The following L3MBTL4 variants were observed in gnomAD, a reference collection of about 807,000 sequenced individuals.
L3MBTL4 encodes the protein L3MBTL histone methyl-lysine binding protein 4.
A neutral mutation model predicts 84.5 loss-of-function variants in L3MBTL4; 70 were observed. That is an observed-to-expected ratio of 0.83 (90% CI 0.68 to 1.01). The LOEUF is 1.01. L3MBTL4 is among the 50% of genes least tolerant of loss of function. The pLI is 0.00. For missense variants in L3MBTL4, 715 were observed against 754.8 expected, an observed-to-expected ratio of 0.95 and a Z score of 0.62; for synonymous variants, 274 against 259.8, an observed-to-expected ratio of 1.05 and a Z score of -0.52.
At chr18:6,070,838 A>T (rs1038315299) in intron 16 of L3MBTL4, among the ~76,000 whole-genome samples, 1 of 152,006 alleles carries the variant, frequency 6.6e-6, no homozygotes, top group Admixed American at 6.6e-5. Context: ...ACCCTGTCTA[A>T]AAAAATAATA....
chr18:6,070,447 C>T (rs1237304517), intron 16 of L3MBTL4, among the ~76,000 whole-genome samples: 1 of 151,144 alleles, frequency 6.6e-6, no homozygotes, highest in Non-Finnish European at 1.5e-5. Context: ...ATTCTATAAC[C>T]TGTAAAAATA....
At chr18:6,234,873 T>C (rs2047150908) in intron 10 of L3MBTL4, among the ~76,000 whole-genome samples, 1 of 152,158 alleles carries the variant, frequency 6.6e-6, no homozygotes, top group Admixed American at 6.5e-5. Context: ...CACATGTATG[T>C]TTATTACGGC....
intron 15 of L3MBTL4, among the ~76,000 whole-genome samples, chr18:6,091,601 T>C (rs1403886043): frequency 1.3e-5 from 2 of 152,210 alleles, no homozygotes; most frequent in Non-Finnish European, 2.9e-5. Context: ...AGCTCCTTCA[T>C]AAATAATAAA....
intron 16 of L3MBTL4, among the ~76,000 whole-genome samples, chr18:6,009,772 T>G (rs1373620100): frequency 6.6e-6 from 1 of 152,232 alleles, no homozygotes; most frequent in Non-Finnish European, 1.5e-5. Context: ...CAGCAGTTGG[T>G]TGAATCTGTG....
intron 9 of L3MBTL4, among the ~76,000 whole-genome samples, 167 bp downstream of exon 9, chr18:6,239,551 T>C (rs1599292200): frequency 6.6e-6 from 1 of 152,282 alleles, no homozygotes; most frequent in African/African-American, 2.4e-5. Context: ...TAGGGCTCTT[T>C]AATTCAGTAA....
At chr18:6,134,413 A>G (rs1017589808) in intron 14 of L3MBTL4, among the ~76,000 whole-genome samples, 1 of 152,138 alleles carries the variant, frequency 6.6e-6, no homozygotes, top group Admixed American at 6.5e-5. Context: ...GTCTTAACTC[A>G]TTTCAGCATT....
chr18:6,247,177 G>A (rs1381489092), intron 5 of L3MBTL4, among the ~76,000 whole-genome samples: 1 of 152,018 alleles, frequency 6.6e-6, no homozygotes, highest in Non-Finnish European at 1.5e-5. Context: ...CCTAAGAATA[G>A]AACATTCTCT....
intron 16 of L3MBTL4, among the ~76,000 whole-genome samples, chr18:6,045,508 A>G (rs934776909): frequency 6.6e-6 from 1 of 152,202 alleles, no homozygotes; most frequent in African/African-American, 2.4e-5. Flanking sequence ...TTACGGTGGA[A>G]GGCAAGGAGG....
chr18:6,272,335 T>A (rs1263425404), intron 4 of L3MBTL4, among the ~76,000 whole-genome samples: 2 of 152,194 alleles, frequency 1.3e-5, no homozygotes, highest in African/African-American at 4.8e-5. Flanking sequence ...ACCTCCTTCA[T>A]GAGGTAGGAT....
intron 1 of L3MBTL4, among the ~76,000 whole-genome samples, chr18:6,368,505 A>C (rs1332110261): frequency 6.6e-6 from 1 of 152,146 alleles, no homozygotes; most frequent in Non-Finnish European, 1.5e-5. Flanking sequence ...CCTGCTAAGC[A>C]CTTTCCATGC....
intron 1 of L3MBTL4, among the ~76,000 whole-genome samples, chr18:6,332,013 A>G (rs2052062626): frequency 6.6e-6 from 1 of 152,060 alleles, no homozygotes; most frequent in Non-Finnish European, 1.5e-5. Flanking sequence ...GGAGCTCACA[A>G]TCCAGCAGAA....
chr18:6,327,339 C>T (rs1278710842), intron 1 of L3MBTL4, among the ~76,000 whole-genome samples: 1 of 152,016 alleles, frequency 6.6e-6, no homozygotes, highest in Admixed American at 6.6e-5. Flanking sequence ...TTGTCTGTAA[C>T]AGGAAATATA....
intron 16 of L3MBTL4, chr18:6,017,772 G>A (rs772899588): frequency 6.6e-6 from 1 of 152,192 alleles, no homozygotes; most frequent in Non-Finnish European, 1.5e-5. Flanking sequence ...ACTCACAACT[G>A]TCCCTCTCCA....
chr18:6,169,021 T>C (rs1280385456), intron 13 of L3MBTL4, among the ~76,000 whole-genome samples: 3 of 152,070 alleles, frequency 2.0e-5, no homozygotes, highest in Non-Finnish European at 4.4e-5. Context: ...GGGCAAAGAA[T>C]ATGAACAGAC....
At chr18:6,321,955 A>G (rs762383032) in intron 1 of L3MBTL4, among the ~76,000 whole-genome samples, 4 of 152,194 alleles carry the variant, frequency 2.6e-5, no homozygotes, top group Non-Finnish European at 4.4e-5. Flanking sequence ...TATAATGTAC[A>G]CTACTCAGGT....
chr18:6,235,158 G>A (rs886489977), intron 10 of L3MBTL4, among the ~76,000 whole-genome samples: 2 of 152,026 alleles, frequency 1.3e-5, no homozygotes, highest in African/African-American at 4.8e-5. Context: ...TCACACACCG[G>A]GGCCTGTTGT....
chr18:6,207,109 A>G (rs2045908058), intron 12 of L3MBTL4, among the ~76,000 whole-genome samples: 1 of 152,164 alleles, frequency 6.6e-6, no homozygotes, highest in African/African-American at 2.4e-5. Context: ...TCAAGAGAAG[A>G]TTGTTTCATG....
intron 4 of L3MBTL4, among the ~76,000 whole-genome samples, chr18:6,268,773 C>T (rs545035870): frequency 1.3e-5 from 2 of 152,258 alleles, no homozygotes; most frequent in East Asian, 3.9e-4. Context: ...TATTACCTGT[C>T]ACTTAATATA....
chr18:6,282,749 T>G (rs1480635308), intron 4 of L3MBTL4, among the ~76,000 whole-genome samples: 1 of 152,140 alleles, frequency 6.6e-6, no homozygotes, highest in Non-Finnish European at 1.5e-5. Flanking sequence ...GCTGGCATTG[T>G]GCACCTGGAT....
Sources: allele counts gnomAD v4.1 joint callset (sites outside exome capture counted in the v4.1 genomes callset), GRCh38; gene constraint gnomAD v4.1.1; transcripts MANE v1.5; gene names NCBI Gene and HGNC (gene_info 2026-07-23, HGNC 2026-07-21).